The following CHRM3 variants were observed in gnomAD, a reference collection of about 807,000 sequenced individuals.
CHRM3 encodes cholinergic receptor muscarinic 3, also known as muscarinic acetylcholine receptor M3.
A neutral mutation model predicts 41.8 loss-of-function variants in CHRM3; 11 were observed. The ratio of observed to expected loss-of-function variants is 0.26; its 90% CI spans 0.17 to 0.44. The LOEUF is 0.44. Among genes scored for constraint, CHRM3 ranks in the 20% least tolerant of loss-of-function variants. CHRM3 has a pLI of 1.00. For synonymous variants in CHRM3, 297 were observed against 301.4 expected (o/e 0.99, Z 0.15); for missense variants, 571 against 745.4 (o/e 0.77, Z 2.72).
At chr1:239,782,872 A>G (rs1165939737) in intron 5 of CHRM3, among the ~76,000 whole-genome samples, 1 of 152,068 alleles carries the variant, frequency 6.6e-6, no homozygotes, top group East Asian at 1.9e-4. Context: ...TTTGACACAT[A>G]TATTATTTAG....
rs114780593 is a variant in CHRM3, at chr1:239,456,500, C to T, written c.-520-36209C>T. ...AGCCTCAGTGTGTAGTAGGCTACAC[C>T]GTCTAGGCTTGTGTACATCCACTCT... is the stretch of plus-strand genomic sequence containing the variant. On this transcript the variant is annotated intron_variant, in intron 1 of 6. Transcript: ENST00000676153. Among the ~76,000 whole-genome samples the T allele has an allele frequency of 5.5e-3, 844 of 152,224 alleles. 12 individuals are homozygous for T. Among genetic ancestry groups the T allele is most frequent in the African/African-American group, 0.019 (800 of 41,546 alleles).
At chr1:239,837,900 G>A (rs1673461235) in intron 6 of CHRM3, among the ~76,000 whole-genome samples, 2 of 152,198 alleles carry the variant, frequency 1.3e-5, no homozygotes, top group South Asian at 4.1e-4. Context: ...AGCTGAAACA[G>A]CTAGAGTTCT....
At chr1:239,627,019 T>G (rs1303469071) in intron 3 of CHRM3, among the ~76,000 whole-genome samples, 1 of 130,030 alleles carries the variant, frequency 7.7e-6, no homozygotes, top group Non-Finnish European at 1.7e-5. Context: ...CTATTAGGTC[T>G]GCTTGGTGCA....
rs181425733 is a variant in CHRM3 at position 239,756,071 on chromosome 1, G to A, written c.-146-71181G>A. Among the ~76,000 whole-genome samples the A allele has an allele frequency of 3.9e-5, 6 of 152,228 alleles. No homozygotes were observed. The East Asian group carries it at 1.2e-3, about 29-fold the overall frequency. On this transcript the variant is annotated intron_variant, in intron 5 of 6. Transcript: ENST00000676153. ...AACAACAAATTCTCTAGTTTCCTAA[G>A]CTTCCCCAGCAAATGATAGATGTCA...
At chr1:239,623,733 G>A (rs1668719856) in intron 3 of CHRM3, among the ~76,000 whole-genome samples, 1 of 48,152 alleles carries the variant, frequency 2.1e-5, no homozygotes, top group African/African-American at 8.6e-5. Context: ...CCACCTATGA[G>A]TGAGAATATG....
intron 5 of CHRM3, among the ~76,000 whole-genome samples, chr1:239,743,102 CT>C (rs1197593487): frequency 6.6e-6 from 1 of 152,112 alleles, no homozygotes; most frequent in Non-Finnish European, 1.5e-5. Context: ...AATATTAACT[CT>C]GATAATTGTT....
chr1:239,671,300 G>T (rs979502015), intron 4 of CHRM3, among the ~76,000 whole-genome samples: 3 of 152,316 alleles, frequency 2.0e-5, no homozygotes, highest in African/African-American at 4.8e-5. Context: ...AGCCCAGGCT[G>T]GGCGCAGTGG....
chr1:239,645,009 A>T (rs1671614406), intron 4 of CHRM3, among the ~76,000 whole-genome samples: 1 of 152,096 alleles, frequency 6.6e-6, no homozygotes, highest in South Asian at 2.1e-4. Context: ...TTCAACCTGT[A>T]CTGCTACTTC....
intron 3 of CHRM3, among the ~76,000 whole-genome samples, chr1:239,594,135 A>G (rs915817081): frequency 6.6e-6 from 1 of 152,194 alleles, no homozygotes; most frequent in Non-Finnish European, 1.5e-5. Context: ...TAGCATTATT[A>G]GTTTTAACAT....
chr1:239,731,194 T>C (rs75749765), intron 5 of CHRM3, among the ~76,000 whole-genome samples: 3,104 of 151,950 alleles, frequency 0.02, 41 homozygotes, highest in Non-Finnish European at 0.031. Flanking sequence ...CAGTAGACAG[T>C]TGAATGTGCA....
chr1:239,888,646 G>T (rs1474256498), intron 6 of CHRM3, among the ~76,000 whole-genome samples: 4 of 151,852 alleles, frequency 2.6e-5, no homozygotes, highest in Admixed American at 6.6e-5. Context: ...AATTAGGTGG[G>T]ATCATGTAGC....
chr1:239,534,667 C>A (rs1237512790), intron 2 of CHRM3, among the ~76,000 whole-genome samples: 3 of 152,172 alleles, frequency 2.0e-5, no homozygotes, highest in African/African-American at 7.2e-5. Flanking sequence ...CCAAATCCAA[C>A]CTAAGTTTGA....
intron 5 of CHRM3, among the ~76,000 whole-genome samples, chr1:239,824,392 A>G (rs1464491612): frequency 6.6e-6 from 1 of 152,198 alleles, no homozygotes; most frequent in East Asian, 1.9e-4. Flanking sequence ...GTATAAGACA[A>G]CCCAGTCCCA....
chr1:239,466,497 T>G (rs759395034), intron 1 of CHRM3, among the ~76,000 whole-genome samples: 17 of 152,088 alleles, frequency 1.1e-4, no homozygotes, highest in African/African-American at 1.7e-4. Flanking sequence ...GACTCAAAAG[T>G]TATATGTAGA....
chr1:239,728,021 T>G (rs1663609481), intron 5 of CHRM3, among the ~76,000 whole-genome samples: 1 of 152,008 alleles, frequency 6.6e-6, no homozygotes, highest in Non-Finnish European at 1.5e-5. Flanking sequence ...CATAATCAAC[T>G]CCTTTTCACA....
intron 2 of CHRM3, among the ~76,000 whole-genome samples, chr1:239,496,625 T>C (rs1667906328): frequency 6.6e-6 from 1 of 151,988 alleles, no homozygotes; most frequent in Admixed American, 6.6e-5. Flanking sequence ...GGAACTAATC[T>C]TAGGCAATTT....
intron 4 of CHRM3, among the ~76,000 whole-genome samples, chr1:239,632,786 A>C (rs922531765): frequency 1.3e-5 from 2 of 152,220 alleles, no homozygotes; most frequent in African/African-American, 4.8e-5. Context: ...TCCAGCAAAC[A>C]CTGCTAACAT....
At chr1:239,567,258 G>A (rs549451579) in intron 3 of CHRM3, among the ~76,000 whole-genome samples, 169 of 150,712 alleles carry the variant, frequency 1.1e-3, no homozygotes, top group Non-Finnish European at 1.8e-3. Context: ...GATCACTTGA[G>A]CCCAGGGGTT....
chr1:239,709,298 C>A (rs1307734767), intron 5 of CHRM3, among the ~76,000 whole-genome samples: 1 of 152,154 alleles, frequency 6.6e-6, no homozygotes, highest in African/African-American at 2.4e-5. Context: ...TTTCAGACTG[C>A]CTGCTGGTGA....
Sources: gnomAD v4.1 joint callset for allele counts (sites outside exome capture counted in the v4.1 genomes callset) on GRCh38, gnomAD v4.1.1 for gene constraint, MANE v1.5 for transcripts, NCBI Gene and HGNC (gene_info 2026-07-23, HGNC 2026-07-21) for gene names.